Variants in SPAG16 observed in about 807,000 individuals in gnomAD.
SPAG16 encodes sperm-associated antigen 16 protein.
Under a neutral mutation model 80.4 loss-of-function variants are expected in SPAG16, and 86 were observed. That is an observed-to-expected ratio of 1.07 (90% CI 0.90 to 1.28). The LOEUF is 1.28. Ranked by LOEUF, SPAG16 falls within the 50% of genes most tolerant of loss-of-function variation. The pLI is 0.00. For synonymous variants in SPAG16, 294 were observed against 265.9 expected (o/e 1.11, Z -1.03); for missense variants, 870 against 765.3 (o/e 1.14, Z -1.61).
At chr2:213,547,080 A>T (rs957898275) in intron 10 of SPAG16, among the ~76,000 whole-genome samples, 3 of 152,216 alleles carry the variant, frequency 2.0e-5, no homozygotes, top group African/African-American at 7.2e-5. Flanking sequence ...CTCCCTTCAG[A>T]ATTCAAACTA....
intron 14 of SPAG16, among the ~76,000 whole-genome samples, chr2:214,126,530 C>A (rs2054505959): frequency 6.6e-6 from 1 of 151,712 alleles, no homozygotes; most frequent in African/African-American, 2.4e-5. Context: ...ATATTATCAA[C>A]TTTATGTATA....
intron 15 of SPAG16, among the ~76,000 whole-genome samples, chr2:214,167,784 T>C (rs2056716875): frequency 6.6e-6 from 1 of 151,332 alleles, no homozygotes; most frequent in African/African-American, 2.4e-5. Flanking sequence ...TTTGATAATA[T>C]AATGTTTTCA....
intron 10 of SPAG16, among the ~76,000 whole-genome samples, chr2:213,523,468 C>CA (rs1046669200): frequency 2.0e-5 from 3 of 152,042 alleles, no homozygotes; most frequent in Non-Finnish European, 2.9e-5. Flanking sequence ...TAAAGATACC[C>CA]AAAAATGTGG....
At chr2:213,931,566 T>C (rs2078752256) in intron 12 of SPAG16, among the ~76,000 whole-genome samples, 1 of 152,206 alleles carries the variant, frequency 6.6e-6, no homozygotes. Context: ...TGATCTTTTC[T>C]AAAATGTAAT....
intron 10 of SPAG16, among the ~76,000 whole-genome samples, chr2:213,635,729 G>A (rs1055071441): frequency 6.6e-6 from 1 of 152,040 alleles, no homozygotes; most frequent in Non-Finnish European, 1.5e-5. Flanking sequence ...GCACTCCCTT[G>A]TTTCTTGACC....
At chr2:213,540,352 A>G (rs527463241) in intron 10 of SPAG16, among the ~76,000 whole-genome samples, 276 of 152,184 alleles carry the variant, frequency 1.8e-3, no homozygotes, top group South Asian at 5.0e-3. Flanking sequence ...GCCCGGCCCA[A>G]AAACAATCAT....
At chr2:214,131,970 C>A (rs1446525656) in intron 14 of SPAG16, among the ~76,000 whole-genome samples, 1 of 151,864 alleles carries the variant, frequency 6.6e-6, no homozygotes, top group Non-Finnish European at 1.5e-5. Context: ...GTAGGTTCAC[C>A]AATTGTAACA....
intron 9 of SPAG16, among the ~76,000 whole-genome samples, chr2:213,415,569 G>A (rs1037267909): frequency 1.3e-5 from 2 of 152,176 alleles, no homozygotes; most frequent in African/African-American, 2.4e-5. Flanking sequence ...GACAGATTTG[G>A]TACTTATGGG....
In SPAG16 at chr2:213,709,365, C is replaced by T. The variant is rs116191234; in HGVS notation, c.1071-153120C>T. On this transcript the variant is annotated intron_variant, in intron 10 of 15. Transcript: ENST00000331683. ...TATAGGAGGGACAAGACATTCCCTT[C>T]GAGATTTGGGGGTATTTGGACATAG... Among the ~76,000 whole-genome samples the T allele has an allele frequency of 3.2e-3, 485 of 152,148 alleles. 2 individuals are homozygous for T. Among genetic ancestry groups the T allele is most frequent in the African/African-American group, 0.011 (449 of 41,486 alleles).
chr2:213,675,569 G>T (rs547614005), intron 10 of SPAG16, among the ~76,000 whole-genome samples: 2 of 152,158 alleles, frequency 1.3e-5, no homozygotes, highest in African/African-American at 4.8e-5. Flanking sequence ...TGTATAAGGT[G>T]TAAGGAAGGG....
At chr2:214,169,571 G>C (rs1311467829) in intron 15 of SPAG16, among the ~76,000 whole-genome samples, 7 of 152,018 alleles carry the variant, frequency 4.6e-5, no homozygotes, top group Non-Finnish European at 8.8e-5. Context: ...GGAGAGAAAT[G>C]CTGCCTTCCC....
At chr2:213,310,518 A>G (rs1467973934) in intron 4 of SPAG16, among the ~76,000 whole-genome samples, 4 of 151,918 alleles carry the variant, frequency 2.6e-5, no homozygotes, top group Admixed American at 2.0e-4. Flanking sequence ...ATTTCCTAAT[A>G]TTTTTGTATA....
At chr2:213,408,942 G>T (rs903131020) in intron 9 of SPAG16, among the ~76,000 whole-genome samples, 1 of 152,016 alleles carries the variant, frequency 6.6e-6, no homozygotes, top group Non-Finnish European at 1.5e-5. Context: ...AGTGTAACAC[G>T]TATTATCCTA....
chr2:213,471,005 C>G (rs1000590712), intron 9 of SPAG16, among the ~76,000 whole-genome samples: 2 of 152,208 alleles, frequency 1.3e-5, no homozygotes, highest in African/African-American at 4.8e-5. Context: ...CTGGCCATTT[C>G]TCTATCCATG....
intron 15 of SPAG16, among the ~76,000 whole-genome samples, chr2:214,289,018 T>C (rs1049406350): frequency 3.9e-5 from 6 of 152,106 alleles, no homozygotes; most frequent in Non-Finnish European, 8.8e-5. Context: ...TCCACCTGCT[T>C]TGGCCTCCCA....
At chr2:214,239,223 G>A (rs978958609) in intron 15 of SPAG16, 11 of 151,890 alleles carry the variant, frequency 7.2e-5, no homozygotes, top group African/African-American at 2.7e-4. Context: ...TTGTAGAAAT[G>A]GAGTGCCACT....
At chr2:213,741,195 A>T (rs2067535859) in intron 10 of SPAG16, among the ~76,000 whole-genome samples, 1 of 152,204 alleles carries the variant, frequency 6.6e-6, no homozygotes, top group African/African-American at 2.4e-5. Flanking sequence ...ATAAAATAAA[A>T]AATACTAGTT....
intron 10 of SPAG16, among the ~76,000 whole-genome samples, chr2:213,606,401 A>T (rs1488702163): frequency 1.3e-5 from 2 of 152,208 alleles, no homozygotes; most frequent in Non-Finnish European, 2.9e-5. Context: ...TAGCTGATTC[A>T]CATTTTCGAC....
chr2:214,193,237 C>T (rs1216798207), intron 15 of SPAG16, among the ~76,000 whole-genome samples: 1 of 151,904 alleles, frequency 6.6e-6, no homozygotes, highest in African/African-American at 2.4e-5. Flanking sequence ...GCCAACACTT[C>T]CAGTAGCTGG....
Sources: gnomAD v4.1 joint callset for allele counts (sites outside exome capture counted in the v4.1 genomes callset) on GRCh38, gnomAD v4.1.1 for gene constraint, MANE v1.5 for transcripts, NCBI Gene and HGNC (gene_info 2026-07-23, HGNC 2026-07-21) for gene names.